Variants in SGMS1 observed in about 807,000 individuals in gnomAD.
SGMS1 encodes the protein phosphatidylcholine:ceramide cholinephosphotransferase 1.
Under a neutral mutation model 46.2 loss-of-function variants are expected in SGMS1, and 13 were observed. The observed-to-expected ratio is 0.28, with a 90% CI of 0.18 to 0.45. The LOEUF is 0.45. Among genes scored for constraint, SGMS1 ranks in the 20% least tolerant of loss-of-function variants. SGMS1 has a pLI of 1.00. For synonymous variants in SGMS1, 203 were observed against 187.8 expected, an observed-to-expected ratio of 1.08 and a Z score of -0.66; for missense variants, 324 against 519.9, an observed-to-expected ratio of 0.62 and a Z score of 3.66.
At chr10:50,425,578 G>A (rs1849314558) in intron 6 of SGMS1, among the ~76,000 whole-genome samples, 1 of 151,958 alleles carries the variant, frequency 6.6e-6, no homozygotes, top group African/African-American at 2.4e-5. Flanking sequence ...GCGAACAACA[G>A]ACATTGAGGA....
intron 2 of SGMS1, among the ~76,000 whole-genome samples, chr10:50,585,960 G>A (rs945366215): frequency 6.6e-6 from 1 of 152,146 alleles, no homozygotes; most frequent in Non-Finnish European, 1.5e-5. Context: ...GCAGGAGCTG[G>A]CAAACTTTTT....
intron 1 of SGMS1, among the ~76,000 whole-genome samples, chr10:50,600,838 G>A (rs1271370433): frequency 6.6e-6 from 1 of 152,174 alleles, no homozygotes; most frequent in Non-Finnish European, 1.5e-5. Context: ...CCACTATGCA[G>A]AAATAGCCAA....
intron 7 of SGMS1, chr10:50,335,105 A>C (rs1361120986): frequency 1.3e-5 from 2 of 152,296 alleles, no homozygotes. Context: ...CTAAAAGCCC[A>C]CTAAAAGGAA....
At chr10:50,486,756 C>G (rs1490910053) in intron 3 of SGMS1, among the ~76,000 whole-genome samples, 1 of 152,286 alleles carries the variant, frequency 6.6e-6, no homozygotes, top group East Asian at 1.9e-4. Context: ...TGTGGTGATT[C>G]CTCAAAGATC....
chr10:50,560,403 TA>T lies in SGMS1; in HGVS notation c.-589+29749del, dbSNP rs1213748403. Among the ~76,000 whole-genome samples the T allele has an allele frequency of 8.6e-5, 12 of 138,928 alleles. No homozygotes were observed. In the South Asian group the frequency reaches 1.1e-3, roughly 13 times the overall value. The allele number at this position is 138,928 out of a possible 152,430, so 91.1% of individuals were successfully genotyped here. On this transcript the variant is annotated intron_variant, in intron 2 of 10. Coordinates refer to ENST00000361781, the MANE Select transcript of SGMS1 (RefSeq NM_147156.4). ...ATGCATATAATATATGCATATATTA[TA>T]ATACATATATTACATAATATGTGTA... is the stretch of plus-strand genomic sequence containing the variant.
At chr10:50,591,403 C>A (rs11006233) in intron 1 of SGMS1, among the ~76,000 whole-genome samples, 20,843 of 152,164 alleles carry the variant, frequency 0.14, 1,720 homozygotes, top group Non-Finnish European at 0.19. Flanking sequence ...GGCCAAACAA[C>A]ACATCACACC....
intron 6 of SGMS1, among the ~76,000 whole-genome samples, chr10:50,415,116 G>A (rs1849151891): frequency 2.0e-5 from 3 of 152,178 alleles, no homozygotes; most frequent in Admixed American, 1.3e-4. Flanking sequence ...GCGAGACTCC[G>A]TCTCAAAACA....
At chr10:50,624,972 C>T, upstream of SGMS1, 1 of 1,040,258 alleles carries the variant, frequency 9.6e-7, no homozygotes, top group Non-Finnish European at 1.2e-6. Flanking sequence ...GGCCATCGGG[C>T]CGCGGGCGCT....
chr10:50,479,087 C>T (rs1837454199), intron 3 of SGMS1, among the ~76,000 whole-genome samples: 1 of 121,384 alleles, frequency 8.2e-6, no homozygotes, highest in Non-Finnish European at 1.9e-5. Context: ...AGAATTTCTC[C>T]AGCCTTAAAT....
At chr10:50,406,261 G>C (rs773061430) in intron 6 of SGMS1, among the ~76,000 whole-genome samples, 1 of 152,160 alleles carries the variant, frequency 6.6e-6, no homozygotes, top group Non-Finnish European at 1.5e-5. Context: ...GAAAATGCTA[G>C]AGAGACATTG....
chr10:50,344,461 T>G (rs988565731), intron 6 of SGMS1, 116 bp from the exon 7 acceptor site: 1 of 201,530 alleles, frequency 5.0e-6, no homozygotes, highest in African/African-American at 2.3e-5. Flanking sequence ...ACTTAATAGT[T>G]TTCAAACATG....
intron 6 of SGMS1, among the ~76,000 whole-genome samples, chr10:50,407,853 C>T (rs894760567): frequency 6.6e-6 from 1 of 152,212 alleles, no homozygotes; most frequent in African/African-American, 2.4e-5. Flanking sequence ...AGAGGACTTG[C>T]TTGAAAATGG....
intron 8 of SGMS1, among the ~76,000 whole-genome samples, chr10:50,326,831 AT>A (rs1481708541): frequency 6.6e-6 from 1 of 152,146 alleles, no homozygotes; most frequent in African/African-American, 2.4e-5. Flanking sequence ...TGCTGTAGGG[AT>A]TAATAGAAAG....
At chr10:50,468,358 C>A (rs550974143) in intron 3 of SGMS1, among the ~76,000 whole-genome samples, 1 of 152,128 alleles carries the variant, frequency 6.6e-6, no homozygotes, top group Non-Finnish European at 1.5e-5. Flanking sequence ...GCTGTTTTGT[C>A]CCTGCCCATA....
At chr10:50,378,936 T>C (rs1411955853) in intron 6 of SGMS1, among the ~76,000 whole-genome samples, 1 of 152,154 alleles carries the variant, frequency 6.6e-6, no homozygotes. Context: ...ATTGAACATC[T>C]ACTATTAAAG....
At chr10:50,612,604 T>C (rs1838760294) in intron 1 of SGMS1, among the ~76,000 whole-genome samples, 1 of 152,126 alleles carries the variant, frequency 6.6e-6, no homozygotes, top group Non-Finnish European at 1.5e-5. Context: ...TTTAATAGAG[T>C]CTTTCTTTTA....
intron 5 of SGMS1, chr10:50,460,217 A>G (rs1012853195): frequency 3.3e-5 from 5 of 152,232 alleles, no homozygotes; most frequent in African/African-American, 1.2e-4. Flanking sequence ...GGTCAAAGTA[A>G]ATGACTAAGA....
chr10:50,600,740 TCTATG>T (rs1838642339), intron 1 of SGMS1, among the ~76,000 whole-genome samples: 1 of 152,206 alleles, frequency 6.6e-6, no homozygotes, highest in East Asian at 1.9e-4. Context: ...TTGAGAGTCT[TCTATG>T]TGTCAGACAC....
chr10:50,306,217 T>G lies in SGMS1; in HGVS notation c.*925A>C, dbSNP rs1847180825. 1 of 152,560 alleles carries G rather than the reference T, an allele frequency of 6.6e-6. No homozygotes were observed. Among genetic ancestry groups the G allele is most frequent in the Non-Finnish European group, 1.5e-5 (1 of 68,002 alleles). 9.5% of individuals were successfully genotyped at this position (152,560 alleles called of 1,614,324 possible). Reference sequence around the variant, plus strand: ...TATGTGAACAGGCTCTGACTCTAATTAACAACCTCATTATTTAAGTCATTG... The same window carrying G: ...TATGTGAACAGGCTCTGACTCTAATGAACAACCTCATTATTTAAGTCATTG... On this transcript the variant is annotated 3_prime_UTR_variant, in exon 11 of 11. Coordinates refer to ENST00000361781, the MANE Select transcript of SGMS1 (RefSeq NM_147156.4).
Sources: gnomAD v4.1 joint callset for allele counts (sites outside exome capture counted in the v4.1 genomes callset) on GRCh38, gnomAD v4.1.1 for gene constraint, MANE v1.5 for transcripts, NCBI Gene and HGNC (gene_info 2026-07-23, HGNC 2026-07-21) for gene names.